Variants in MON2 observed in about 807,000 individuals in gnomAD.
The protein encoded by MON2 is MON2 regulator of endosome-to-Golgi trafficking.
A neutral mutation model predicts 208.6 loss-of-function variants in MON2; 84 were observed. That is an observed-to-expected ratio of 0.40 (90% CI 0.34 to 0.48). The LOEUF (loss-of-function observed/expected upper bound fraction) is 0.48, where lower values mean the gene tolerates loss of function less well. MON2 is among the 20% of genes least tolerant of loss of function. The pLI is 0.59. For missense variants in MON2, 1,611 were observed against 2,015.4 expected, an observed-to-expected ratio of 0.80 and a Z score of 3.84; for synonymous variants, 660 against 694.0, an observed-to-expected ratio of 0.95 and a Z score of 0.77.
intron 2 of MON2, among the ~76,000 whole-genome samples, chr12:62,487,794 G>C (rs1476478588): frequency 1.3e-5 from 2 of 152,080 alleles, no homozygotes; most frequent in African/African-American, 4.8e-5. Context: ...AGAATCATTA[G>C]AGGAGATATA....
At chr12:62,564,954 C>T (rs1007877995) in intron 26 of MON2, 2 of 267,954 alleles carry the variant, frequency 7.5e-6, no homozygotes, top group Non-Finnish European at 7.0e-6. Flanking sequence ...ATTGTAGAAC[C>T]TGAGGACTGC....
At chr12:62,501,813 T>C (rs577311070) in intron 7 of MON2, 115 bp downstream of exon 7, 2 of 1,123,754 alleles carry the variant, frequency 1.8e-6, no homozygotes, top group South Asian at 2.9e-5. Context: ...AGGCCAGAGT[T>C]GGTGGTTCAT....
chr12:62,504,573 A>G (rs1422870592), intron 7 of MON2, among the ~76,000 whole-genome samples: 4 of 152,114 alleles, frequency 2.6e-5, no homozygotes, highest in Non-Finnish European at 5.9e-5. Flanking sequence ...TTATACTTAG[A>G]AAATTTACTT....
intron 21 of MON2, among the ~76,000 whole-genome samples, chr12:62,546,447 A>C (rs1351384304): frequency 6.6e-6 from 1 of 152,118 alleles, no homozygotes; most frequent in Non-Finnish European, 1.5e-5. Flanking sequence ...ATGATATTTG[A>C]TGTTTATTTA....
chr12:62,546,926 A>G lies in MON2; in HGVS notation c.2607A>G (p.Leu869=), dbSNP rs2073512590. 1.2e-6 allele frequency: 2 copies of G among 1,612,320 alleles called. No homozygotes were observed. The highest frequency in any genetic ancestry group is 1.7e-6 in the Non-Finnish European group (2 of 1,179,070). The change falls in exon 22 of 35, where the codon TTA becomes TTG. Residue 869 remains leucine, a synonymous_variant. Transcript: ENST00000393630. ...QRLQLLLLNP[L]KEMSNINHPD... ...TGCAGTTGCTTTTATTGAACCCGTT[A>G]AAGGAGATGTCCAATATTAATCATC...
intron 11 of MON2, among the ~76,000 whole-genome samples, chr12:62,528,346 A>G (rs1248332928): frequency 2.6e-5 from 4 of 152,184 alleles, no homozygotes; most frequent in Admixed American, 1.3e-4. Flanking sequence ...TGATATATAG[A>G]TAGAAGTAGT....
chr12:62,538,219 G>A (rs2073073909), intron 17 of MON2, 33 bp from the exon 18 acceptor site: 1 of 1,609,706 alleles, frequency 6.2e-7, no homozygotes, highest in Admixed American at 1.7e-5. Flanking sequence ...ATCCCAAAGT[G>A]TCATATATTA....
At chr12:62,498,641 C>T (rs1163086592) in intron 4 of MON2, among the ~76,000 whole-genome samples, 2 of 152,102 alleles carry the variant, frequency 1.3e-5, no homozygotes, top group African/African-American at 4.8e-5. Context: ...ATTTGCAAAG[C>T]ACGTCATTCT....
chr12:62,508,209 A>T, intron 7 of MON2, 77 bp from the exon 8 acceptor site: 1 of 1,098,014 alleles, frequency 9.1e-7, no homozygotes, highest in Non-Finnish European at 1.3e-6. Context: ...TTTGTTTCCT[A>T]GTGAGACTGT....
intron 1 of MON2, among the ~76,000 whole-genome samples, chr12:62,479,189 A>G (rs1194094510): frequency 2.0e-5 from 3 of 152,324 alleles, no homozygotes; most frequent in East Asian, 1.9e-4. Context: ...TAGAAAGTAA[A>G]TGAAACCATG....
chr12:62,558,733 T>A (rs1164296248), intron 25 of MON2, among the ~76,000 whole-genome samples: 2 of 151,826 alleles, frequency 1.3e-5, no homozygotes, highest in African/African-American at 4.8e-5. Flanking sequence ...GTTTCACTCT[T>A]GTTGCCCAGG....
intron 32 of MON2, among the ~76,000 whole-genome samples, chr12:62,582,275 A>G (rs953683680): frequency 6.6e-6 from 1 of 152,224 alleles, no homozygotes; most frequent in Non-Finnish European, 1.5e-5. Flanking sequence ...TGCTATGTAT[A>G]GTATTAAATT....
In MON2 at chr12:62,502,710, A is replaced by G. The variant is rs144535067; in HGVS notation, c.789+1012A>G. ...CACATAACTTAAATGGAAAACAACT[A>G]AAGTCCAAAATCAAGTCAGTGACTT... On this transcript the variant is annotated intron_variant, in intron 7 of 34. Coordinates refer to ENST00000393630, the MANE Select transcript of MON2 (RefSeq NM_015026.3). 2.7e-3 allele frequency among the ~76,000 whole-genome samples: 410 copies of G among 152,304 alleles called. 2 individuals are homozygous for G. Among genetic ancestry groups the G allele is most frequent in the African/African-American group, 9.5e-3 (396 of 41,578 alleles).
At chr12:62,495,176 T>C (rs758047476) in intron 4 of MON2, 29 bp downstream of exon 4, 14 of 1,578,690 alleles carry the variant, frequency 8.9e-6, no homozygotes, top group South Asian at 1.2e-5. Context: ...AGAGTTCATA[T>C]GTGCTTTGAG....
intron 11 of MON2, among the ~76,000 whole-genome samples, chr12:62,530,769 G>T (rs550108092): frequency 1.3e-5 from 2 of 152,154 alleles, no homozygotes; most frequent in Admixed American, 6.5e-5. Context: ...GGAATTGCTG[G>T]GTTATATGGT....
chr12:62,488,400 G>A (rs1174230329), intron 2 of MON2, among the ~76,000 whole-genome samples: 1 of 152,162 alleles, frequency 6.6e-6, no homozygotes, highest in Non-Finnish European at 1.5e-5. Context: ...TGAGGTTTGT[G>A]TATAGAGCTT....
intron 8 of MON2, among the ~76,000 whole-genome samples, chr12:62,509,748 A>G (rs940023459): frequency 2.6e-5 from 4 of 152,204 alleles, no homozygotes; most frequent in Non-Finnish European, 5.9e-5. Flanking sequence ...AAGGAAAATG[A>G]GAAGAGTCTC....
chr12:62,526,932 G>A (rs188180281), intron 11 of MON2, among the ~76,000 whole-genome samples: 2 of 152,200 alleles, frequency 1.3e-5, no homozygotes, highest in Admixed American at 6.5e-5. Context: ...TTCGAGACCA[G>A]TCTGGCCAAT....
intron 8 of MON2, among the ~76,000 whole-genome samples, chr12:62,510,198 A>G (rs2071323087): frequency 6.6e-6 from 1 of 152,204 alleles, no homozygotes; most frequent in Admixed American, 6.5e-5. Context: ...GCAAGAACAG[A>G]TGACTTCACT....
Sources: gnomAD v4.1 joint callset for allele counts (sites outside exome capture counted in the v4.1 genomes callset) on GRCh38, gnomAD v4.1.1 for gene constraint, MANE v1.5 for transcripts, NCBI Gene and HGNC (gene_info 2026-07-23, HGNC 2026-07-21) for gene names.